The following CTNNA2 variants were observed in gnomAD, a reference collection of about 807,000 sequenced individuals.
The protein encoded by CTNNA2 is catenin alpha 2, also known as catenin alpha-2.
CTNNA2 carries 42 observed loss-of-function variants against 101.0 expected under a neutral mutation model. That is an observed-to-expected ratio of 0.42 (90% CI 0.32 to 0.54). CTNNA2 has a LOEUF of 0.54. Among genes scored for constraint, CTNNA2 ranks in the 20% least tolerant of loss-of-function variants. The probability of loss-of-function intolerance (pLI) is 0.14; values close to 1 mark genes in which losing one functional copy is unlikely to be tolerated. For synonymous variants in CTNNA2, 450 were observed against 456.4 expected, an observed-to-expected ratio of 0.99 and a Z score of 0.18; for missense variants, 871 against 1,223.1, an observed-to-expected ratio of 0.71 and a Z score of 4.29.
intron 2 of CTNNA2, among the ~76,000 whole-genome samples, chr2:79,278,824 GT>G (rs913026831): frequency 3.9e-5 from 6 of 152,106 alleles, no homozygotes; most frequent in African/African-American, 1.4e-4. Context: ...AAAGAAGAGG[GT>G]AAAGAGGGCC....
chr2:80,233,614 T>C (rs1709380917), intron 7 of CTNNA2, among the ~76,000 whole-genome samples: 1 of 152,230 alleles, frequency 6.6e-6, no homozygotes, highest in African/African-American at 2.4e-5. Context: ...AACTTAATTA[T>C]ATTGACATGG....
intron 3 of CTNNA2, among the ~76,000 whole-genome samples, chr2:79,816,975 C>G (rs1310796030): frequency 6.6e-6 from 1 of 152,072 alleles, no homozygotes; most frequent in African/African-American, 2.4e-5. Flanking sequence ...AATAAACCTG[C>G]CAATCATTGG....
intron 7 of CTNNA2, among the ~76,000 whole-genome samples, chr2:80,213,662 G>A (rs1481741629): frequency 1.4e-4 from 22 of 152,174 alleles, no homozygotes; most frequent in Non-Finnish European, 4.4e-5. Context: ...AATAAGTGTG[G>A]TGTGGTGCTG....
At chr2:80,465,962 T>C (rs1382391198) in intron 9 of CTNNA2, among the ~76,000 whole-genome samples, 1 of 152,178 alleles carries the variant, frequency 6.6e-6, no homozygotes, top group Non-Finnish European at 1.5e-5. Context: ...GTTGGTTATT[T>C]AGTGCTGTGT....
At chr2:80,461,429 A>G (rs1483503276) in intron 9 of CTNNA2, among the ~76,000 whole-genome samples, 1 of 152,132 alleles carries the variant, frequency 6.6e-6, no homozygotes, top group Non-Finnish European at 1.5e-5. Context: ...TGCTGTATTC[A>G]GAATGAAGCC....
chr2:80,033,555 G>T (rs970621671), intron 7 of CTNNA2, among the ~76,000 whole-genome samples: 1 of 152,108 alleles, frequency 6.6e-6, no homozygotes, highest in Non-Finnish European at 1.5e-5. Flanking sequence ...CACCAGCCTG[G>T]ATGACAGAGT....
intron 7 of CTNNA2, chr2:80,162,620 T>C: frequency 6.2e-7 from 1 of 1,611,600 alleles, no homozygotes; most frequent in South Asian, 1.1e-5. Flanking sequence ...AATGTCTATC[T>C]GCTAGGTAGG....
At chr2:79,417,529 C>T (rs1319817096) in intron 4 of CTNNA2, among the ~76,000 whole-genome samples, 1 of 152,124 alleles carries the variant, frequency 6.6e-6, no homozygotes, top group Non-Finnish European at 1.5e-5. Flanking sequence ...ACACTTCATA[C>T]TTCAAAGATT....
At chr2:80,397,145 C>T (rs970510863) in intron 8 of CTNNA2, among the ~76,000 whole-genome samples, 1 of 152,210 alleles carries the variant, frequency 6.6e-6, no homozygotes, top group African/African-American at 2.4e-5. Context: ...TTAGCTGTCT[C>T]CTTTTTGACC....
At chr2:80,063,383 T>G (rs532712657) in intron 7 of CTNNA2, among the ~76,000 whole-genome samples, 2 of 152,320 alleles carry the variant, frequency 1.3e-5, no homozygotes, top group East Asian at 3.9e-4. Context: ...CTATCTTCAC[T>G]GTTCAATGGT....
At chr2:79,775,496 T>C (rs770072903) in intron 3 of CTNNA2, among the ~76,000 whole-genome samples, 5 of 152,166 alleles carry the variant, frequency 3.3e-5, no homozygotes, top group Non-Finnish European at 5.9e-5. Context: ...CAGGGGTACA[T>C]GTGCAGGAGG....
At position 80,280,723 on chromosome 2, in the gene CTNNA2, G is replaced by A. The variant is rs1031231133; in HGVS notation, c.1057-112488G>A. ...ACAACGCATAAGTTTTAAATTGTAT[G>A]CTATTCTGAGGAACATGATGAAATC... On this transcript the variant is annotated intron_variant, in intron 7 of 18. Coordinates refer to ENST00000402739, the MANE Select transcript of CTNNA2 (RefSeq NM_001282597.3). Among the ~76,000 whole-genome samples, 12 of 152,050 alleles carry A rather than the reference G, an allele frequency of 7.9e-5. 1 individual carries two copies. In the East Asian group the frequency reaches 2.3e-3, roughly 29 times the overall value.
At chr2:79,468,737 A>C (rs147890037) in intron 4 of CTNNA2, among the ~76,000 whole-genome samples, 1 of 152,024 alleles carries the variant, frequency 6.6e-6, no homozygotes, top group Non-Finnish European at 1.5e-5. Context: ...ACTCAAAACC[A>C]CTCAACTACA....
At position 79,554,463 on chromosome 2, in the gene CTNNA2, A is replaced by G. The variant is rs76023661; in HGVS notation, c.-6+41256A>G. Among the ~76,000 whole-genome samples the G allele has an allele frequency of 5.4e-3, 819 of 152,250 alleles. 45 individuals are homozygous for G. In the East Asian group the frequency reaches 0.11, roughly 21 times the overall value. On this transcript the variant is annotated intron_variant, in intron 1 of 18. Coordinates refer to ENST00000402739, the MANE Select transcript of CTNNA2 (RefSeq NM_001282597.3). Reference sequence around the variant, plus strand: ...ACCATATAATTTTATACACTGTACTATAGAGAGCACTTACATTAGCTTAGG... The same window carrying G: ...ACCATATAATTTTATACACTGTACTGTAGAGAGCACTTACATTAGCTTAGG...
intron 3 of CTNNA2, among the ~76,000 whole-genome samples, chr2:79,342,357 C>A (rs908154691): frequency 6.6e-6 from 1 of 152,302 alleles, no homozygotes; most frequent in African/African-American, 2.4e-5. Context: ...GAAGCAAAAT[C>A]TGGACTGAGC....
chr2:79,773,757 TTCTG>T (rs1673762712), intron 3 of CTNNA2, among the ~76,000 whole-genome samples: 1 of 152,092 alleles, frequency 6.6e-6, no homozygotes, highest in Non-Finnish European at 1.5e-5. Flanking sequence ...TAGTGAGTCT[TTCTG>T]TCTTTCAACT....
At chr2:79,564,798 T>C (rs1573358051) in intron 1 of CTNNA2, among the ~76,000 whole-genome samples, 1 of 152,304 alleles carries the variant, frequency 6.6e-6, no homozygotes, top group South Asian at 2.1e-4. Flanking sequence ...CCTGAAGTTA[T>C]ATTTTTCTTC....
chr2:79,697,019 C>G (rs543389710), intron 2 of CTNNA2, among the ~76,000 whole-genome samples: 2 of 151,896 alleles, frequency 1.3e-5, no homozygotes, highest in East Asian at 1.9e-4. Context: ...AAGTCAATAC[C>G]CTCATTTTAC....
chr2:79,954,209 T>C, intron 7 of CTNNA2, among the ~76,000 whole-genome samples: 1 of 152,082 alleles, frequency 6.6e-6, no homozygotes, highest in East Asian at 1.9e-4. Context: ...GAGAACAGCA[T>C]GGGGGAAACC....
Sources: gnomAD v4.1 joint callset for allele counts (sites outside exome capture counted in the v4.1 genomes callset) on GRCh38, gnomAD v4.1.1 for gene constraint, MANE v1.5 for transcripts, NCBI Gene and HGNC (gene_info 2026-07-23, HGNC 2026-07-21) for gene names.